The following ENTREP2 variants were observed in gnomAD, a reference collection of about 807,000 sequenced individuals.
The protein encoded by ENTREP2 is endosomal transmembrane epsin interactor 2.
the ENTREP2 span, among the ~76,000 whole-genome samples, chr15:29,570,225 C>G: frequency 6.6e-6 from 1 of 151,022 alleles, no homozygotes; most frequent in Non-Finnish European, 1.5e-5. Flanking sequence ...CCGCTGCGGG[C>G]TCGGAGGACG....
the ENTREP2 span, among the ~76,000 whole-genome samples, chr15:29,291,524 G>C: frequency 6.6e-6 from 1 of 152,116 alleles, no homozygotes; most frequent in Non-Finnish European, 1.5e-5. Flanking sequence ...TCTAATTCCT[G>C]AGCCCTTGCA....
the ENTREP2 span, among the ~76,000 whole-genome samples, chr15:29,519,424 TCTTC>T: frequency 6.6e-6 from 1 of 151,876 alleles, no homozygotes; most frequent in African/African-American, 2.4e-5. Context: ...CAAGCCCTCC[TCTTC>T]CTTTTCTACT....
At chr15:29,490,578 C>T in the ENTREP2 span, among the ~76,000 whole-genome samples, 1 of 152,114 alleles carries the variant, frequency 6.6e-6, no homozygotes, top group Non-Finnish European at 1.5e-5. Context: ...CTGATTGGTG[C>T]GTTTACAATC....
chr15:29,301,961 T>C, the ENTREP2 span, among the ~76,000 whole-genome samples: 1 of 152,136 alleles, frequency 6.6e-6, no homozygotes, highest in African/African-American at 2.4e-5. Flanking sequence ...GAGCAATAAA[T>C]GTCTATGGTT....
At chr15:29,367,165 T>C in the ENTREP2 span, among the ~76,000 whole-genome samples, 1 of 152,196 alleles carries the variant, frequency 6.6e-6, no homozygotes, top group Non-Finnish European at 1.5e-5. Flanking sequence ...CAGTAGGATT[T>C]GGGGCATTTT....
the ENTREP2 span, among the ~76,000 whole-genome samples, chr15:29,437,015 C>T: frequency 1.3e-5 from 2 of 152,196 alleles, no homozygotes; most frequent in Non-Finnish European, 1.5e-5. Flanking sequence ...ACAAAAATGA[C>T]AATACAACTT....
the ENTREP2 span, among the ~76,000 whole-genome samples, chr15:29,299,361 G>T: frequency 2.0e-5 from 3 of 152,302 alleles, no homozygotes; most frequent in Admixed American, 6.5e-5. Flanking sequence ...GCCTCTGCTG[G>T]AAAGACGCAG....
the ENTREP2 span, chr15:29,269,774 G>C: frequency 5.5e-5 from 75 of 1,373,596 alleles, no homozygotes; most frequent in African/African-American, 9.7e-4. Context: ...GCGGGTCGGC[G>C]ACCCGCTAAC....
chr15:29,598,304 G>A, the ENTREP2 span, among the ~76,000 whole-genome samples: 2 of 152,168 alleles, frequency 1.3e-5, no homozygotes, highest in African/African-American at 4.8e-5. Context: ...GTGGGGGTAT[G>A]TCATTATTGT....
At chr15:29,325,339 G>A in the ENTREP2 span, among the ~76,000 whole-genome samples, 1 of 151,774 alleles carries the variant, frequency 6.6e-6, no homozygotes, top group South Asian at 2.1e-4. Context: ...AATTAAGGCA[G>A]AAATCTGAAT....
At chr15:29,348,484 G>A in the ENTREP2 span, among the ~76,000 whole-genome samples, 1 of 152,178 alleles carries the variant, frequency 6.6e-6, no homozygotes, top group Admixed American at 6.5e-5. Context: ...GAGCTGGAGA[G>A]GAGAATCCAG....
chr15:29,402,294 G>T, the ENTREP2 span, among the ~76,000 whole-genome samples: 12 of 87,380 alleles, frequency 1.4e-4, no homozygotes, highest in South Asian at 1.1e-3. Context: ...ATATTGTATT[G>T]TGTGTGTGTG....
chr15:29,454,754 G>A, the ENTREP2 span, among the ~76,000 whole-genome samples: 1 of 152,114 alleles, frequency 6.6e-6, no homozygotes, highest in Admixed American at 6.5e-5. Flanking sequence ...TGGAGATGAC[G>A]CAGCTCCAGC....
the ENTREP2 span, among the ~76,000 whole-genome samples, chr15:29,262,852 T>C: frequency 6.6e-6 from 1 of 152,126 alleles, no homozygotes; most frequent in African/African-American, 2.4e-5. Flanking sequence ...TCCTGTGGGA[T>C]CTGACACTAT....
the ENTREP2 span, among the ~76,000 whole-genome samples, chr15:29,623,888 A>G: frequency 6.6e-6 from 1 of 151,866 alleles, no homozygotes; most frequent in African/African-American, 2.4e-5. Flanking sequence ...GGCGCCCACC[A>G]CTACGCCCAG....
chr15:29,555,192 G>A, the ENTREP2 span, among the ~76,000 whole-genome samples: 4 of 152,292 alleles, frequency 2.6e-5, no homozygotes, highest in South Asian at 4.2e-4. Flanking sequence ...CCCTTTCCTC[G>A]GGGAACACCT....
the ENTREP2 span, among the ~76,000 whole-genome samples, chr15:29,274,075 T>C: frequency 6.6e-6 from 1 of 152,188 alleles, no homozygotes; most frequent in Non-Finnish European, 1.5e-5. Context: ...AGTATGTATC[T>C]ATGCATAGGG....
the ENTREP2 span, among the ~76,000 whole-genome samples, chr15:29,331,849 G>C: frequency 6.6e-6 from 1 of 152,134 alleles, no homozygotes; most frequent in Non-Finnish European, 1.5e-5. Flanking sequence ...CCAAGAATCT[G>C]GTTTCCACAC....
the ENTREP2 span, among the ~76,000 whole-genome samples, chr15:29,464,790 G>A: frequency 1.3e-5 from 2 of 152,156 alleles, no homozygotes; most frequent in Non-Finnish European, 2.9e-5. Context: ...AGTTGGTCCA[G>A]CCACAGAGCT....
Sources: gnomAD v4.1 joint callset for allele counts (sites outside exome capture counted in the v4.1 genomes callset) on GRCh38, gnomAD v4.1.1 for gene constraint, MANE v1.5 for transcripts, NCBI Gene and HGNC (gene_info 2026-07-23, HGNC 2026-07-21) for gene names.